The following CCDC158 variants were observed in gnomAD, a reference collection of about 807,000 sequenced individuals.
CCDC158 encodes coiled-coil domain containing 158, also known as coiled-coil domain-containing protein 158.
CCDC158 carries 116 observed loss-of-function variants against 138.6 expected under a neutral mutation model. That is an observed-to-expected ratio of 0.84 (90% CI 0.72 to 0.98). The LOEUF (loss-of-function observed/expected upper bound fraction) is 0.98, where lower values mean the gene tolerates loss of function less well. Among genes scored for constraint, CCDC158 ranks in the 50% least tolerant of loss-of-function variants. CCDC158 has a pLI of 0.00. For synonymous variants in CCDC158, 436 were observed against 442.4 expected, an observed-to-expected ratio of 0.99 and a Z score of 0.18; for missense variants, 1,265 against 1,306.1, an observed-to-expected ratio of 0.97 and a Z score of 0.48.
chr4:76,327,740 A>G (rs1174635908), intron 22 of CCDC158, among the ~76,000 whole-genome samples: 1 of 152,194 alleles, frequency 6.6e-6, no homozygotes, highest in Non-Finnish European at 1.5e-5. Context: ...AAGAAAAACA[A>G]TGAAAATTTA....
intron 1 of CCDC158, among the ~76,000 whole-genome samples, chr4:76,417,298 C>T (rs767984791): frequency 6.6e-6 from 1 of 152,142 alleles, no homozygotes; most frequent in Admixed American, 6.5e-5. Context: ...AAGTAACTAG[C>T]TTGTTTTTGA....
At chr4:76,318,158 T>C (rs569020433) in intron 24 of CCDC158, among the ~76,000 whole-genome samples, 8 of 151,184 alleles carry the variant, frequency 5.3e-5, no homozygotes, top group African/African-American at 1.9e-4. Flanking sequence ...ATAACAAAGA[T>C]CAGAACAGAA....
chr4:76,359,138 T>C lies in CCDC158; in HGVS notation c.2021-1612A>G, dbSNP rs544183705. 2.8e-4 allele frequency among the ~76,000 whole-genome samples: 42 copies of C among 152,266 alleles called. 1 individual carries two copies. The South Asian group carries it at 7.9e-3, about 29-fold the overall frequency. On this transcript the variant is annotated intron_variant, in intron 13 of 24. Transcript: ENST00000682701. ...TCTCTACTGCTACCATGTGAAGATG[T>C]GCTTGTTTCCCCTTCACCTTCCACC...
intron 1 of CCDC158, among the ~76,000 whole-genome samples, chr4:76,418,725 G>A (rs1729885383): frequency 1.3e-5 from 2 of 152,116 alleles, no homozygotes; most frequent in Admixed American, 1.3e-4. Context: ...CTGCCCCCAT[G>A]ATTCAATTAC....
chr4:76,346,499 CAA>C (rs1295256534), intron 18 of CCDC158, among the ~76,000 whole-genome samples: 5 of 152,164 alleles, frequency 3.3e-5, no homozygotes, highest in African/African-American at 7.2e-5. Context: ...ATCACAAGGT[CAA>C]GAGATTGAGA....
intron 4 of CCDC158, 48 bp from the exon 5 acceptor site, chr4:76,384,713 T>G (rs1167668238): frequency 8.0e-7 from 1 of 1,255,666 alleles, no homozygotes; most frequent in South Asian, 1.3e-5. Flanking sequence ...GAAACACATT[T>G]CCTTATAGCT....
At chr4:76,414,766 C>T (rs1363555424) in intron 1 of CCDC158, among the ~76,000 whole-genome samples, 2 of 152,200 alleles carry the variant, frequency 1.3e-5, no homozygotes, top group Non-Finnish European at 2.9e-5. Flanking sequence ...GTAAGAAGTG[C>T]CTTTTGCCTC....
intron 13 of CCDC158, among the ~76,000 whole-genome samples, chr4:76,359,247 A>G (rs1289785815): frequency 6.6e-6 from 1 of 152,198 alleles, no homozygotes; most frequent in African/African-American, 2.4e-5. Context: ...TTTTCTTCAC[A>G]AATTACTCAT....
At chr4:76,371,637 A>C (rs866303563) in intron 9 of CCDC158, 101 bp from the exon 10 acceptor site, 1 of 1,443,206 alleles carries the variant, frequency 6.9e-7, no homozygotes, top group South Asian at 1.3e-5. Context: ...TTGAGAACAA[A>C]AATAAAAGTT....
At chr4:76,399,999 GA>G (rs1728199145) in intron 3 of CCDC158, among the ~76,000 whole-genome samples, 1 of 152,172 alleles carries the variant, frequency 6.6e-6, no homozygotes, top group Non-Finnish European at 1.5e-5. Flanking sequence ...GAGGAGAAAA[GA>G]GAGGACCAGC....
Position 76,383,658 on chromosome 4 carries a change from C to T in CCDC158, c.803+4G>A, listed in dbSNP as rs1385164400. 6.2e-7 allele frequency: 1 copy of T among 1,608,530 alleles called. No homozygotes were observed. Among genetic ancestry groups the T allele is most frequent in the Admixed American group, 1.7e-5 (1 of 59,962 alleles). ...GCTTTTCCATACCTCAGTCAGAAAC[C>T]TACCTATCTTGGTGTTGTTGCAGAA... On this transcript the variant is annotated splice_donor_region_variant and intron_variant, in intron 7 of 24. Coordinates refer to ENST00000682701, the MANE Select transcript of CCDC158 (RefSeq NM_001394954.1).
chr4:76,395,787 T>C (rs1727729234), intron 4 of CCDC158, among the ~76,000 whole-genome samples: 1 of 152,190 alleles, frequency 6.6e-6, no homozygotes, highest in East Asian at 1.9e-4. Context: ...AAATATGCAA[T>C]TGTAAAGCCA....
At chr4:76,365,838 C>T (rs28628458) in intron 12 of CCDC158, among the ~76,000 whole-genome samples, 4,459 of 152,214 alleles carry the variant, frequency 0.029, 219 homozygotes, top group African/African-American at 0.1. Context: ...GCCAGCAGTC[C>T]ATGCTTTAAA....
chr4:76,326,053 T>G lies in CCDC158; in HGVS notation c.3011-38A>C, dbSNP rs754008220. On this transcript the variant is annotated intron_variant, in intron 22 of 24. Transcript: ENST00000682701. ...AAGAATAAAAGTAAAAGGACAGAAT[T>G]AATTAAAAATAGCAAACTGCACCTC... 17 of 1,540,968 alleles carry G rather than the reference T, an allele frequency of 1.1e-5. No homozygotes were observed. In the South Asian group the frequency reaches 1.9e-4, roughly 17 times the overall value.
intron 24 of CCDC158, among the ~76,000 whole-genome samples, chr4:76,317,639 A>G (rs1445650225): frequency 6.6e-6 from 1 of 152,162 alleles, no homozygotes. Context: ...AACTTAAACT[A>G]TATCCTAGAA....
chr4:76,378,553 G>A (rs183591704), intron 9 of CCDC158, among the ~76,000 whole-genome samples: 18 of 152,230 alleles, frequency 1.2e-4, no homozygotes, highest in Middle Eastern at 3.4e-3. Flanking sequence ...CTGGGCTAGC[G>A]GGTGTAAACC....
chr4:76,374,954 C>T (rs1449251247), intron 9 of CCDC158, among the ~76,000 whole-genome samples: 1 of 152,124 alleles, frequency 6.6e-6, no homozygotes, highest in Non-Finnish European at 1.5e-5. Flanking sequence ...CCTGCAGGAA[C>T]ATTTGTTTTG....
At chr4:76,362,895 A>C (rs542919525) in intron 12 of CCDC158, among the ~76,000 whole-genome samples, 1 of 152,338 alleles carries the variant, frequency 6.6e-6, no homozygotes, top group Non-Finnish European at 1.5e-5. Context: ...ATAATAATAA[A>C]AGCAGGTGAG....
In CCDC158 at chr4:76,362,223, G is replaced by A. The variant is rs768484151; in HGVS notation, c.1923C>T (p.Gly641=). Reference sequence around the variant, plus strand: ...CCTTCACTGCACGGAGCCGCTCAGAGCCTGCATTCACCAGCTTCACCTTTT... The same window carrying A: ...CCTTCACTGCACGGAGCCGCTCAGAACCTGCATTCACCAGCTTCACCTTTT... ...ELEKVKLVNA[G]SERLRAVKDI... The change falls in exon 13 of 25, where the codon GGC becomes GGT. Residue 641 remains glycine, a synonymous_variant. Transcript: ENST00000682701. The A allele has an allele frequency of 6.2e-7, 1 of 1,614,120 alleles. No homozygotes were observed. Among genetic ancestry groups the A allele is most frequent in the Non-Finnish European group, 8.5e-7 (1 of 1,180,018 alleles).
Sources: allele counts gnomAD v4.1 joint callset (sites outside exome capture counted in the v4.1 genomes callset), GRCh38; gene constraint gnomAD v4.1.1; transcripts MANE v1.5; gene names NCBI Gene and HGNC (gene_info 2026-07-23, HGNC 2026-07-21).